GPM6A: variants seen among roughly 807,000 people sequenced by gnomAD.
GPM6A encodes the protein glycoprotein M6A.
In GPM6A, 7 loss-of-function variants were observed where a neutral mutation model predicts 32.1. The ratio of observed to expected loss-of-function variants is 0.22; its 90% CI spans 0.12 to 0.41. The LOEUF (loss-of-function observed/expected upper bound fraction) is 0.41, where lower values mean the gene tolerates loss of function less well. Among genes scored for constraint, GPM6A ranks in the 10% least tolerant of loss-of-function variants. The pLI is 1.00. For synonymous variants in GPM6A, 130 were observed against 123.4 expected (o/e 1.05, Z -0.35); for missense variants, 235 against 347.2 (o/e 0.68, Z 2.57).
At chr4:175,909,239 G>A (rs1579617870) in intron 1 of GPM6A, among the ~76,000 whole-genome samples, 1 of 139,664 alleles carries the variant, frequency 7.2e-6, no homozygotes, top group South Asian at 3.0e-4. Context: ...GACTGAAAAA[G>A]GCAAATTTAG....
chr4:175,701,946 T>A (rs1310088180), intron 1 of GPM6A, among the ~76,000 whole-genome samples, 179 bp from the exon 2 acceptor site: 3 of 152,086 alleles, frequency 2.0e-5, no homozygotes, highest in Non-Finnish European at 4.4e-5. Context: ...TATAAACCCA[T>A]CCTCCACAAA....
chr4:175,773,683 G>C (rs751945592), intron 1 of GPM6A, among the ~76,000 whole-genome samples: 16 of 152,004 alleles, frequency 1.1e-4, no homozygotes, highest in Non-Finnish European at 2.4e-4. Context: ...AATTTGAATG[G>C]GGAGAGAAAA....
chr4:175,665,331 G>T (rs778124456), intron 3 of GPM6A, among the ~76,000 whole-genome samples: 2 of 152,034 alleles, frequency 1.3e-5, no homozygotes, highest in Non-Finnish European at 2.9e-5. Flanking sequence ...ACTCCCGAGG[G>T]ATAGGGATTC....
chr4:175,804,694 T>TACATCA, intron 1 of GPM6A, among the ~76,000 whole-genome samples: 1 of 152,216 alleles, frequency 6.6e-6, no homozygotes, highest in East Asian at 1.9e-4. Context: ...TACTTAATTA[T>TACATCA]GTTTCTGATG....
chr4:175,852,223 A>G lies in GPM6A; in HGVS notation c.-22-39974T>C, dbSNP rs189786454. 2.1e-3 allele frequency among the ~76,000 whole-genome samples: 320 copies of G among 152,282 alleles called. 1 individual carries two copies. Among genetic ancestry groups the G allele is most frequent in the Middle Eastern group, 6.8e-3 (2 of 294 alleles). On this transcript the variant is annotated intron_variant, in intron 1 of 7. Coordinates refer to the GPM6A transcript ENST00000280187. ...CCATCAGTTTGGAATGAATAAATAA[A>G]TAAGTGGAAATGTGTGAGAACCTGG...
chr4:175,852,342 A>G (rs2111404361), intron 1 of GPM6A, among the ~76,000 whole-genome samples: 1 of 152,306 alleles, frequency 6.6e-6, no homozygotes, highest in Non-Finnish European at 1.5e-5. Context: ...AAATGAACTG[A>G]TAAGAACCAA....
chr4:175,785,782 A>T (rs1403844186), intron 1 of GPM6A, among the ~76,000 whole-genome samples: 2 of 152,194 alleles, frequency 1.3e-5, no homozygotes, highest in African/African-American at 4.8e-5. Flanking sequence ...AAGACAAATA[A>T]GATTACTCCC....
intron 1 of GPM6A, among the ~76,000 whole-genome samples, chr4:175,875,064 A>G (rs1321045380): frequency 6.6e-6 from 1 of 152,174 alleles, no homozygotes; most frequent in Non-Finnish European, 1.5e-5. Flanking sequence ...CTCCCAGTAC[A>G]TCCAAGAGGC....
chr4:175,962,653 G>A (rs1202347360), intron 1 of GPM6A, among the ~76,000 whole-genome samples: 1 of 152,036 alleles, frequency 6.6e-6, no homozygotes, highest in Non-Finnish European at 1.5e-5. Flanking sequence ...TTAGCCTATG[G>A]CACCTACAGC....
chr4:175,663,477 T>G (rs1236538309), intron 3 of GPM6A, among the ~76,000 whole-genome samples: 2 of 152,188 alleles, frequency 1.3e-5, no homozygotes, highest in Non-Finnish European at 2.9e-5. Context: ...TCGCTATAGT[T>G]AATAACAGTG....
In GPM6A at chr4:175,941,037, G is replaced by A. The variant is rs1038936212; in HGVS notation, c.-23+61272C>T. On this transcript the variant is annotated intron_variant, in intron 1 of 7. Coordinates refer to the GPM6A transcript ENST00000280187. ...GGGAGAAATTACTAGTGTCCCTGGC[G>A]TACAGGAGCTTAACAAACATTAAGA... 1.2e-4 allele frequency among the ~76,000 whole-genome samples: 18 copies of A among 152,172 alleles called. No homozygotes were observed. In the South Asian group the frequency reaches 1.9e-3, roughly 16 times the overall value.
At chr4:175,902,313 T>C (rs1737993749) in intron 1 of GPM6A, among the ~76,000 whole-genome samples, 1 of 152,204 alleles carries the variant, frequency 6.6e-6, no homozygotes, top group South Asian at 2.1e-4. Flanking sequence ...AAGAGATTCA[T>C]TGGTAAGGTT....
chr4:175,917,455 A>C (rs59045311), intron 1 of GPM6A, among the ~76,000 whole-genome samples: 2,429 of 152,286 alleles, frequency 0.016, 62 homozygotes, highest in African/African-American at 0.055. Flanking sequence ...AATGAAACGA[A>C]GGGCTTGAGA....
intron 3 of GPM6A, among the ~76,000 whole-genome samples, chr4:175,664,678 T>A (rs1321097204): frequency 6.6e-6 from 1 of 152,166 alleles, no homozygotes; most frequent in Non-Finnish European, 1.5e-5. Flanking sequence ...ACTGCAGTCC[T>A]CTATGTATTT....
At chr4:175,899,347 A>C (rs1560985263) in intron 1 of GPM6A, among the ~76,000 whole-genome samples, 3 of 152,212 alleles carry the variant, frequency 2.0e-5, no homozygotes, top group African/African-American at 4.8e-5. Flanking sequence ...CACTTCACAA[A>C]GAAAGATATA....
At chr4:175,812,470 T>A, upstream of GPM6A, 1 of 1,236,354 alleles carries the variant, frequency 8.1e-7, no homozygotes, top group Non-Finnish European at 1.0e-6. Context: ...CCGTGAAGAT[T>A]ATCAATTTTT....
At chr4:175,768,035 A>C (rs897019344) in intron 1 of GPM6A, among the ~76,000 whole-genome samples, 2 of 152,178 alleles carry the variant, frequency 1.3e-5, no homozygotes, top group Non-Finnish European at 2.9e-5. Context: ...ATAGTAGTTC[A>C]CCCCTAAAAC....
chr4:175,666,149 C>T (rs936433133), intron 3 of GPM6A, among the ~76,000 whole-genome samples: 9 of 152,016 alleles, frequency 5.9e-5, no homozygotes, highest in African/African-American at 2.2e-4. Context: ...CGATCTCCAG[C>T]CCTTAGGTGA....
At chr4:175,749,966 C>T (rs552206497) in intron 1 of GPM6A, among the ~76,000 whole-genome samples, 14 of 152,274 alleles carry the variant, frequency 9.2e-5, no homozygotes, top group Non-Finnish European at 1.8e-4. Flanking sequence ...GTGCAATGTT[C>T]CCAAAGCTTT....
Sources: allele counts gnomAD v4.1 joint callset (sites outside exome capture counted in the v4.1 genomes callset), GRCh38; gene constraint gnomAD v4.1.1; transcripts MANE v1.5; gene names NCBI Gene and HGNC (gene_info 2026-07-23, HGNC 2026-07-21).